Variants in OPRD1 observed in about 807,000 individuals in gnomAD.
OPRD1 encodes delta-type opioid receptor.
In OPRD1, 19 loss-of-function variants were observed where a neutral mutation model predicts 17.5. That is an observed-to-expected ratio of 1.09 (90% CI 0.76 to 1.60). OPRD1 has a LOEUF of 1.60. Ranked by LOEUF, OPRD1 falls within the 40% of genes most tolerant of loss-of-function variation. The pLI, the probability that OPRD1 is intolerant of heterozygous loss-of-function variation, is 0.00. For synonymous variants in OPRD1, 256 were observed against 240.9 expected (o/e 1.06, Z -0.58); for missense variants, 483 against 547.2 (o/e 0.88, Z 1.17).
intron 1 of OPRD1, among the ~76,000 whole-genome samples, chr1:28,833,935 G>C (rs189142725): frequency 6.6e-6 from 1 of 152,164 alleles, no homozygotes; most frequent in South Asian, 2.1e-4. Context: ...ACAAACCAGT[G>C]TTCTGTTTTT....
chr1:28,862,820 T>C lies in OPRD1; in HGVS notation c.656T>C (p.Leu219Pro), dbSNP rs1484175801. 6.2e-7 allele frequency: 1 copy of C among 1,613,528 alleles called. No homozygotes were observed. The highest frequency in any genetic ancestry group is 8.5e-7 in the Non-Finnish European group (1 of 1,180,020). ...ACGGTGACCAAGATCTGCGTGTTCC[T>C]CTTCGCCTTCGTGGTGCCCATCCTC... ...WDTVTKICVF[L>P]FAFVVPILII... Residue 219 changes from leucine (L) to proline (P), a missense_variant, in exon 3 of 3, where the codon CTC becomes CCC. Coordinates refer to ENST00000234961, the MANE Select transcript of OPRD1 (RefSeq NM_000911.4).
At chr1:28,815,961 G>A (rs1035992954) in intron 1 of OPRD1, among the ~76,000 whole-genome samples, 4 of 152,102 alleles carry the variant, frequency 2.6e-5, no homozygotes, top group African/African-American at 9.7e-5. Context: ...GGCTAGTGAC[G>A]AGCTGTCTGA....
intron 1 of OPRD1, among the ~76,000 whole-genome samples, chr1:28,817,905 G>T (rs530969250): frequency 2.7e-5 from 4 of 150,118 alleles, no homozygotes; most frequent in Non-Finnish European, 5.9e-5. Context: ...GGCGGGGCGG[G>T]GGGGGGGTTT....
chr1:28,856,587 C>T (rs555773438), intron 1 of OPRD1, among the ~76,000 whole-genome samples: 4 of 152,312 alleles, frequency 2.6e-5, no homozygotes, highest in East Asian at 1.9e-4. Flanking sequence ...AGCCCTGTCT[C>T]GGGGTGCCCG....
At chr1:28,833,196 G>T (rs1336728780) in intron 1 of OPRD1, among the ~76,000 whole-genome samples, 1 of 152,326 alleles carries the variant, frequency 6.6e-6, no homozygotes, top group East Asian at 1.9e-4. Context: ...ACTCAGAGAT[G>T]AAAGACTTTT....
intron 1 of OPRD1, among the ~76,000 whole-genome samples, chr1:28,846,657 T>G (rs2088946150): frequency 6.9e-6 from 1 of 144,322 alleles, no homozygotes; most frequent in Non-Finnish European, 1.5e-5. Context: ...CACTCCAGCC[T>G]GGGCGACAGA....
At position 28,826,473 on chromosome 1, in the gene OPRD1, G is replaced by A. The variant is rs554620864; in HGVS notation, c.227+13863G>A. ...CAAGCCTGCAGTGAACCGAGATCAC[G>A]CCACTGCAGTGCAGCCTGGGTGAGA... is the stretch of plus-strand genomic sequence containing the variant. On this transcript the variant is annotated intron_variant, in intron 1 of 2. Transcript: ENST00000234961. 5.9e-5 allele frequency among the ~76,000 whole-genome samples: 9 copies of A among 151,992 alleles called. No individual in the cohort carries two copies. In the East Asian group the frequency reaches 1.4e-3, roughly 23 times the overall value.
chr1:28,852,319 TGAG>T (rs2089012679), intron 1 of OPRD1, among the ~76,000 whole-genome samples: 1 of 152,142 alleles, frequency 6.6e-6, no homozygotes, highest in South Asian at 2.1e-4. Flanking sequence ...TTGGAATGTT[TGAG>T]GAGATTTAGC....
At chr1:28,826,614 C>A (rs2088770859) in intron 1 of OPRD1, among the ~76,000 whole-genome samples, 2 of 152,148 alleles carry the variant, frequency 1.3e-5, no homozygotes, top group Non-Finnish European at 2.9e-5. Flanking sequence ...TTTTAAAATA[C>A]TTTTATTGCT....
In OPRD1 at chr1:28,859,100, T is replaced by C. The variant is rs1332949768; in HGVS notation, c.374T>C (p.Leu125Pro). Residue 125 changes from leucine to proline, a missense_variant, in exon 2 of 3, where the codon CTC (leucine) becomes CCC (proline). Transcript: ENST00000234961. ...PFGELLCKAVLSIDYYNMFTS... is the reference protein window; with the variant it reads ...PFGELLCKAVPSIDYYNMFTS... ...GGCGAGCTGCTCTGCAAGGCTGTGC[T>C]CTCCATCGACTACTACAATATGTTC... is the stretch of plus-strand genomic sequence containing the variant. The C allele has an allele frequency of 6.2e-7, 1 of 1,614,232 alleles. No homozygotes were observed.
chr1:28,823,585 G>A (rs929434852), intron 1 of OPRD1, among the ~76,000 whole-genome samples: 1 of 151,788 alleles, frequency 6.6e-6, no homozygotes, highest in Non-Finnish European at 1.5e-5. Flanking sequence ...TTGTAGAGAC[G>A]GGGTTTCACC....
At chr1:28,834,381 CT>C (rs11306242) in intron 1 of OPRD1, among the ~76,000 whole-genome samples, 53,441 of 121,408 alleles carry the variant, frequency 0.44, 11,298 homozygotes, top group East Asian at 0.76. Context: ...TTCTTTTTTT[CT>C]TTTTTTTTTT....
intron 1 of OPRD1, among the ~76,000 whole-genome samples, chr1:28,857,642 A>G (rs984088430): frequency 1.3e-5 from 2 of 150,934 alleles, no homozygotes; most frequent in African/African-American, 2.4e-5. Context: ...TAATTTTTGT[A>G]TTATTATTAT....
intron 1 of OPRD1, among the ~76,000 whole-genome samples, chr1:28,843,504 G>A (rs990069968): frequency 2.0e-5 from 3 of 152,152 alleles, no homozygotes; most frequent in Non-Finnish European, 2.9e-5. Flanking sequence ...GACTACTCTA[G>A]GTGCCTCATG....
At chr1:28,814,375 A>G (rs556099236) in intron 1 of OPRD1, among the ~76,000 whole-genome samples, 2 of 152,304 alleles carry the variant, frequency 1.3e-5, no homozygotes, top group East Asian at 3.9e-4. Flanking sequence ...TGGCGCCTGG[A>G]CCCAGTAAAT....
chr1:28,855,956 A>G (rs557516858), intron 1 of OPRD1, among the ~76,000 whole-genome samples: 2 of 152,318 alleles, frequency 1.3e-5, no homozygotes, highest in Admixed American at 6.5e-5. Flanking sequence ...GAGTGAGTCA[A>G]TTTCTTTTCA....
rs1025504561 is a variant in OPRD1 at position 28,865,772 on chromosome 1, C to T, written c.*2489C>T. 1 of 152,044 alleles carries T rather than the reference C, an allele frequency of 6.6e-6. No individual in the cohort carries two copies. The highest frequency in any genetic ancestry group is 1.5e-5 in the Non-Finnish European group (1 of 67,980). 9.4% of individuals were successfully genotyped at this position (152,044 alleles called of 1,614,324 possible). On this transcript the variant is annotated 3_prime_UTR_variant, in exon 3 of 3. Coordinates refer to ENST00000234961, the MANE Select transcript of OPRD1 (RefSeq NM_000911.4). ...GTCAGCATGGCAGGAGACACTTCTC[C>T]TCATCAGGGGTCCTCCTGTGAATGC...
Position 28,812,627 on chromosome 1 carries a change from C to A in OPRD1, c.227+17C>A. On this transcript the variant is annotated intron_variant, in intron 1 of 2. Coordinates refer to ENST00000234961, the MANE Select transcript of OPRD1 (RefSeq NM_000911.4). ...CATCGTCCGGTGAGTCCGCTGCGGG[C>A]CGGCGCCGCAGGGCTGGAGCCCGGG... is the stretch of plus-strand genomic sequence containing the variant. 1 of 1,483,414 alleles carries A rather than the reference C, an allele frequency of 6.7e-7. No homozygotes were observed. Among genetic ancestry groups the A allele is most frequent in the Non-Finnish European group, 9.0e-7 (1 of 1,116,456 alleles). The allele number at this position is 1,483,414 out of a possible 1,614,324, so 91.9% of individuals were successfully genotyped here.
intron 1 of OPRD1, among the ~76,000 whole-genome samples, chr1:28,828,732 G>C (rs2124266817): frequency 6.8e-6 from 1 of 148,120 alleles, no homozygotes; most frequent in African/African-American, 2.5e-5. Flanking sequence ...GTTCACGCCT[G>C]TAATCCCAGC....
Sources: allele counts gnomAD v4.1 joint callset (sites outside exome capture counted in the v4.1 genomes callset), GRCh38; gene constraint gnomAD v4.1.1; transcripts MANE v1.5; gene names NCBI Gene and HGNC (gene_info 2026-07-23, HGNC 2026-07-21).